YPEL2: variants seen among roughly 807,000 people sequenced by gnomAD.
YPEL2 encodes yippee like 2, also known as protein yippee-like 2.
A neutral mutation model predicts 19.1 loss-of-function variants in YPEL2; 2 were observed. The ratio of observed to expected loss-of-function variants is 0.10; its 90% CI spans 0.04 to 0.33. YPEL2 has a LOEUF of 0.33. YPEL2 is among the 10% of genes least tolerant of loss of function. YPEL2 has a pLI of 1.00. For missense variants in YPEL2, 66 were observed against 140.7 expected, an observed-to-expected ratio of 0.47 and a Z score of 2.68; for synonymous variants, 52 against 50.0, an observed-to-expected ratio of 1.04 and a Z score of -0.17.
chr17:59,349,822 G>A (rs748128510), intron 1 of YPEL2, among the ~76,000 whole-genome samples: 5 of 152,014 alleles, frequency 3.3e-5, no homozygotes, highest in Admixed American at 6.6e-5. Context: ...CACCATGCCC[G>A]GCTAATTTTT....
At chr17:59,382,723 C>G (rs116348372) in intron 2 of YPEL2, among the ~76,000 whole-genome samples, 8 of 152,152 alleles carry the variant, frequency 5.3e-5, no homozygotes, top group African/African-American at 1.9e-4. Context: ...TGGTTCATCA[C>G]TTTCTGATGC....
intron 2 of YPEL2, among the ~76,000 whole-genome samples, chr17:59,371,195 G>T (rs570782238): frequency 1.6e-4 from 25 of 152,266 alleles, no homozygotes; most frequent in African/African-American, 6.0e-4. Context: ...GTGCCCTTTC[G>T]GCTTAGCTTT....
Position 59,396,913 on chromosome 17 carries a change from C to T in YPEL2, c.271-188C>T, listed in dbSNP as rs867907726. Among the ~76,000 whole-genome samples, 24 of 152,200 alleles carry T rather than the reference C, an allele frequency of 1.6e-4. No homozygotes were observed. The South Asian group carries it at 1.7e-3, about 11-fold the overall frequency. On this transcript the variant is annotated intron_variant, in intron 4 of 4. Coordinates refer to ENST00000312655, the MANE Select transcript of YPEL2 (RefSeq NM_001005404.4). ...AGGTGTGGTGGTGGGTGCCTGTAAT[C>T]CCAGCTACTTGGGAGGCTGAGGCAG...
intron 4 of YPEL2, among the ~76,000 whole-genome samples, chr17:59,392,968 T>G (rs2048015528): frequency 6.6e-6 from 1 of 152,190 alleles, no homozygotes; most frequent in Non-Finnish European, 1.5e-5. Context: ...ATTCCATTGT[T>G]ATCTCTGTGA....
At chr17:59,341,882 C>T (rs2047732984) in intron 1 of YPEL2, among the ~76,000 whole-genome samples, 1 of 152,224 alleles carries the variant, frequency 6.6e-6, no homozygotes, top group African/African-American at 2.4e-5. Context: ...CGCCTTTCCT[C>T]TCCCTCAGTA....
In YPEL2 at chr17:59,397,363, C is replaced by T. The variant is rs201430667; in HGVS notation, c.*173C>T. The T allele has an allele frequency of 2.5e-4, 116 of 461,024 alleles. 2 individuals carry two copies. The East Asian group carries it at 3.3e-3, about 13-fold the overall frequency. 28.6% of individuals were successfully genotyped at this position (461,024 alleles called of 1,614,324 possible). A position where few individuals can be genotyped will look rare whatever the true frequency, so the allele number is the denominator to read the frequency against. The stretch of plus-strand genomic sequence containing the variant: ...TGGTGACCGGCCTCTAAATCGCTGT[C>T]TCTCTGTCTCTTTGCTTTGTATCTG... On this transcript the variant is annotated 3_prime_UTR_variant, in exon 5 of 5. Transcript: ENST00000312655.
At chr17:59,369,583 G>A (rs1411272222) in intron 2 of YPEL2, among the ~76,000 whole-genome samples, 3 of 152,058 alleles carry the variant, frequency 2.0e-5, no homozygotes, top group Admixed American at 6.5e-5. Flanking sequence ...CTTCTGGCTC[G>A]CCTGACCCTA....
chr17:59,376,635 A>G (rs971380174), intron 2 of YPEL2, among the ~76,000 whole-genome samples: 4 of 152,144 alleles, frequency 2.6e-5, no homozygotes, highest in Non-Finnish European at 4.4e-5. Context: ...GAGAGGATTA[A>G]GTTACTTCAC....
At chr17:59,349,707 CTG>C (rs890008770) in intron 1 of YPEL2, among the ~76,000 whole-genome samples, 2 of 152,100 alleles carry the variant, frequency 1.3e-5, no homozygotes, top group Admixed American at 6.5e-5. Flanking sequence ...TGTCACCAGA[CTG>C]GAGTGCAGTG....
At chr17:59,358,497 T>A (rs2047824373) in intron 2 of YPEL2, among the ~76,000 whole-genome samples, 1 of 151,900 alleles carries the variant, frequency 6.6e-6, no homozygotes. Context: ...GTAGGGGCAG[T>A]GCTAAGGAAG....
rs149952132 is a variant in YPEL2, at chr17:59,401,275, C to T, written c.*4085C>T. 1 of 151,996 alleles carries T rather than the reference C, an allele frequency of 6.6e-6. No homozygotes were observed. Among genetic ancestry groups the T allele is most frequent in the East Asian group, 1.9e-4 (1 of 5,172 alleles). 9.4% of individuals were successfully genotyped at this position (151,996 alleles called of 1,614,324 possible). Reference sequence around the variant, plus strand: ...AATCTGCCTCAAATGAGAAAATATGCTAGTTATCTAGATAGAGGAAAGAGA... The same window carrying T: ...AATCTGCCTCAAATGAGAAAATATGTTAGTTATCTAGATAGAGGAAAGAGA... On this transcript the variant is annotated 3_prime_UTR_variant, in exon 5 of 5. Coordinates refer to ENST00000312655, the MANE Select transcript of YPEL2 (RefSeq NM_001005404.4).
In YPEL2 at chr17:59,379,544, G is replaced by A. The variant is rs78098423; in HGVS notation, c.118-8783G>A. 3.3e-5 allele frequency among the ~76,000 whole-genome samples: 5 copies of A among 152,288 alleles called. No individual in the cohort carries two copies. The East Asian group carries it at 9.6e-4, about 29-fold the overall frequency. ...CCTAAAAGGAGTTAAAATGTATAGT[G>A]CCTGGAGCAAATCCATAGAGACCGA... On this transcript the variant is annotated intron_variant, in intron 2 of 4. Coordinates refer to ENST00000312655, the MANE Select transcript of YPEL2 (RefSeq NM_001005404.4).
chr17:59,364,673 A>G (rs1006706075), intron 2 of YPEL2, among the ~76,000 whole-genome samples: 1 of 143,968 alleles, frequency 6.9e-6, no homozygotes, highest in African/African-American at 2.6e-5. Context: ...GCTGGAGTGC[A>G]ATGGCACGAT....
chr17:59,336,988 T>C (rs992463778), intron 1 of YPEL2, among the ~76,000 whole-genome samples: 24 of 152,314 alleles, frequency 1.6e-4, no homozygotes, highest in Admixed American at 5.2e-4. Flanking sequence ...CTGGGCCATC[T>C]GCATGTGCCA....
At chr17:59,373,241 A>G (rs2047905361) in intron 2 of YPEL2, among the ~76,000 whole-genome samples, 1 of 152,186 alleles carries the variant, frequency 6.6e-6, no homozygotes, top group South Asian at 2.1e-4. Flanking sequence ...TCTCCGTAGG[A>G]AAGAGATGGG....
Position 59,397,234 on chromosome 17 carries a change from C to T in YPEL2, c.*44C>T. 1.4e-6 allele frequency: 2 copies of T among 1,457,034 alleles called. No individual in the cohort carries two copies. The highest frequency in any genetic ancestry group is 1.9e-6 in the Non-Finnish European group (2 of 1,069,740). 90.3% of individuals were successfully genotyped at this position (1,457,034 alleles called of 1,614,324 possible). A position where few individuals can be genotyped will look rare whatever the true frequency, so the allele number is the denominator to read the frequency against. On this transcript the variant is annotated 3_prime_UTR_variant, in exon 5 of 5. Coordinates refer to ENST00000312655, the MANE Select transcript of YPEL2 (RefSeq NM_001005404.4). ...ACCCAGTGTCCACGTGAACGCCATT[C>T]AACCGAACATTCTTCCCAAGCGTGA...
At chr17:59,347,669 G>A (rs2047763412) in intron 1 of YPEL2, among the ~76,000 whole-genome samples, 2 of 152,364 alleles carry the variant, frequency 1.3e-5, no homozygotes, top group South Asian at 4.1e-4. Flanking sequence ...ACGCATGCCT[G>A]TGGTTCCTCC....
At chr17:59,352,901 G>A (rs574086434) in intron 1 of YPEL2, among the ~76,000 whole-genome samples, 1 of 152,316 alleles carries the variant, frequency 6.6e-6, no homozygotes, top group African/African-American at 2.4e-5. Flanking sequence ...CCCTGGGGCT[G>A]TAGGTGGTAG....
chr17:59,383,879 A>ACTCT, intron 2 of YPEL2, among the ~76,000 whole-genome samples: 2 of 152,048 alleles, frequency 1.3e-5, no homozygotes, highest in Middle Eastern at 6.8e-3. Context: ...ACAGAGTAGT[A>ACTCT]GTATATGGAT....
Sources: gnomAD v4.1 joint callset for allele counts (sites outside exome capture counted in the v4.1 genomes callset) on GRCh38, gnomAD v4.1.1 for gene constraint, MANE v1.5 for transcripts, NCBI Gene and HGNC (gene_info 2026-07-23, HGNC 2026-07-21) for gene names.